The following MSRA variants were observed in gnomAD, a reference collection of about 807,000 sequenced individuals.
The protein encoded by MSRA is methionine sulfoxide reductase A, also known as mitochondrial peptide methionine sulfoxide reductase.
MSRA carries 54 observed loss-of-function variants against 31.3 expected under a neutral mutation model. The observed-to-expected ratio is 1.73, with a 90% confidence interval of 1.39 to 2.17. MSRA has a LOEUF of 2.17. MSRA is among the 30% of genes most tolerant of loss of function. The pLI is 0.00. For missense variants in MSRA, 507 were observed against 300.9 expected (o/e 1.69, Z -5.07); for synonymous variants, 169 against 116.5 (o/e 1.45, Z -2.90).
chr8:10,132,706 A>G (rs1204198988), intron 1 of MSRA, among the ~76,000 whole-genome samples: 2 of 152,250 alleles, frequency 1.3e-5, no homozygotes, highest in Non-Finnish European at 2.9e-5. Flanking sequence ...CCTGTGAGAC[A>G]TGTAATAGTA....
chr8:10,061,522 G>A (rs1201213205), intron 1 of MSRA, among the ~76,000 whole-genome samples: 3 of 151,864 alleles, frequency 2.0e-5, no homozygotes, highest in South Asian at 2.1e-4. Context: ...CTTATTGCAC[G>A]GAACTCGCAC....
intron 1 of MSRA, among the ~76,000 whole-genome samples, chr8:10,069,018 C>T (rs988260669): frequency 4.6e-5 from 7 of 152,076 alleles, no homozygotes; most frequent in Non-Finnish European, 1.0e-4. Flanking sequence ...CAAAATATTT[C>T]GTGTTTTTTT....
intron 1 of MSRA, among the ~76,000 whole-genome samples, chr8:10,177,310 A>G (rs557084483): frequency 6.6e-5 from 10 of 152,366 alleles, no homozygotes; most frequent in African/African-American, 2.4e-4. Flanking sequence ...TGACAACTCA[A>G]TAAACCTGAT....
chr8:10,334,478 A>C (rs1489677739), intron 5 of MSRA, among the ~76,000 whole-genome samples: 1 of 152,036 alleles, frequency 6.6e-6, no homozygotes, highest in East Asian at 1.9e-4. Context: ...TGTGGCGCCA[A>C]GAGTGAAGCA....
chr8:10,324,482 C>T (rs748316172), intron 5 of MSRA, among the ~76,000 whole-genome samples: 2 of 152,114 alleles, frequency 1.3e-5, no homozygotes, highest in Admixed American at 6.5e-5. Flanking sequence ...AGTGCTGCAC[C>T]GGGAGCTGCT....
intron 1 of MSRA, among the ~76,000 whole-genome samples, chr8:10,086,911 A>G (rs995044820): frequency 6.6e-6 from 1 of 150,934 alleles, no homozygotes; most frequent in African/African-American, 2.4e-5. Flanking sequence ...GGAGAGGGAG[A>G]GAGAGGAGAA....
At chr8:10,414,713 T>G (rs1371842080) in intron 5 of MSRA, among the ~76,000 whole-genome samples, 6 of 152,242 alleles carry the variant, frequency 3.9e-5, no homozygotes, top group Non-Finnish European at 8.8e-5. Context: ...GAAGGCTCTT[T>G]CCTTTTAACA....
rs151176402 is a variant in MSRA, at chr8:10,364,846, T to C, written c.543+44857T>C. ...TGGGAAATCCCCGGATGTAGAAACA[T>C]TGGAGTTGTCAATTTCATGTGCGTG... is the stretch of plus-strand genomic sequence containing the variant. On this transcript the variant is annotated intron_variant, in intron 5 of 5. Transcript: ENST00000317173. Among the ~76,000 whole-genome samples, 321 of 152,270 alleles carry C rather than the reference T, an allele frequency of 2.1e-3. 1 individual carries two copies. The highest frequency in any genetic ancestry group is 3.9e-3 in the Non-Finnish European group (266 of 68,012).
At chr8:10,220,028 G>A (rs992415569) in intron 2 of MSRA, among the ~76,000 whole-genome samples, 2 of 152,014 alleles carry the variant, frequency 1.3e-5, no homozygotes, top group African/African-American at 4.8e-5. Flanking sequence ...AGAAACAGAC[G>A]TTTAGCTTGG....
chr8:10,213,661 C>A (rs745621627), intron 2 of MSRA, among the ~76,000 whole-genome samples: 1 of 151,980 alleles, frequency 6.6e-6, no homozygotes, highest in Non-Finnish European at 1.5e-5. Context: ...TGGTCTCGAT[C>A]TCCTGACCTC....
rs964687404 is a variant in MSRA at position 10,128,679 on chromosome 8, T to C, written c.142+74021T>C. Reference sequence around the variant, plus strand: ...GCCCATGTGATATTCCAGATGTAGGTGAGTCTCCAGAACGGACAGCAGCTA... The same window carrying C: ...GCCCATGTGATATTCCAGATGTAGGCGAGTCTCCAGAACGGACAGCAGCTA... On this transcript the variant is annotated intron_variant, in intron 1 of 5. Transcript: ENST00000317173. 1.1e-4 allele frequency among the ~76,000 whole-genome samples: 16 copies of C among 152,278 alleles called. 1 individual carries two copies. The highest frequency in any genetic ancestry group is 6.8e-3 in the Middle Eastern group (2 of 294).
chr8:10,422,758 G>A (rs1417754399), intron 5 of MSRA, among the ~76,000 whole-genome samples: 1 of 152,186 alleles, frequency 6.6e-6, no homozygotes, highest in Non-Finnish European at 1.5e-5. Flanking sequence ...CCCACAGGCT[G>A]CAGTAGGGAG....
At chr8:10,103,280 G>A (rs1452587314) in intron 1 of MSRA, among the ~76,000 whole-genome samples, 1 of 152,188 alleles carries the variant, frequency 6.6e-6, no homozygotes, top group Non-Finnish European at 1.5e-5. Flanking sequence ...AAAAATGTCA[G>A]TGATAAAGTA....
At chr8:10,309,881 G>A (rs1006545562) in intron 4 of MSRA, among the ~76,000 whole-genome samples, 8 of 152,174 alleles carry the variant, frequency 5.3e-5, no homozygotes, top group South Asian at 4.1e-4. Context: ...GGTCCACTCC[G>A]TGTTCAGGAG....
chr8:10,278,057 G>C (rs1455532478), intron 3 of MSRA, among the ~76,000 whole-genome samples: 1 of 151,994 alleles, frequency 6.6e-6, no homozygotes, highest in East Asian at 1.9e-4. Flanking sequence ...TAATGTCGAT[G>C]CTCGCTGTCT....
intron 3 of MSRA, among the ~76,000 whole-genome samples, chr8:10,297,004 C>G (rs981002795): frequency 6.6e-6 from 1 of 152,184 alleles, no homozygotes; most frequent in African/African-American, 2.4e-5. Flanking sequence ...TTATCCTAAC[C>G]TGGAAGAATC....
intron 5 of MSRA, among the ~76,000 whole-genome samples, chr8:10,347,330 T>C (rs1321250941): frequency 6.6e-6 from 1 of 152,224 alleles, no homozygotes; most frequent in Non-Finnish European, 1.5e-5. Context: ...CTTACGGATA[T>C]CTGCAACTGG....
chr8:10,100,585 G>A (rs1299422860), intron 1 of MSRA, among the ~76,000 whole-genome samples: 1 of 152,128 alleles, frequency 6.6e-6, no homozygotes, highest in East Asian at 1.9e-4. Context: ...GGGAGGATGA[G>A]TAAGTAGAAA....
intron 4 of MSRA, among the ~76,000 whole-genome samples, chr8:10,308,385 C>T (rs1411200230): frequency 6.6e-6 from 1 of 152,176 alleles, no homozygotes; most frequent in Non-Finnish European, 1.5e-5. Flanking sequence ...ACCAGATCGG[C>T]CCGGCACTCG....
Sources: gnomAD v4.1 joint callset for allele counts (sites outside exome capture counted in the v4.1 genomes callset) on GRCh38, gnomAD v4.1.1 for gene constraint, MANE v1.5 for transcripts, NCBI Gene and HGNC (gene_info 2026-07-23, HGNC 2026-07-21) for gene names.